Variants in PRDX6 observed in about 807,000 individuals in gnomAD.
The protein encoded by PRDX6 is peroxiredoxin 6, also known as peroxiredoxin-6.
Under a neutral mutation model 20.0 loss-of-function variants are expected in PRDX6, and 13 were observed. That is an observed-to-expected ratio of 0.65 (90% CI 0.42 to 1.03). PRDX6 has a LOEUF of 1.03. Ranked by LOEUF, PRDX6 falls within the 50% of genes least tolerant of loss-of-function variation. PRDX6 has a pLI of 0.00. For synonymous variants in PRDX6, 85 were observed against 100.8 expected, an observed-to-expected ratio of 0.84 and a Z score of 0.94; for missense variants, 203 against 276.9, an observed-to-expected ratio of 0.73 and a Z score of 1.89.
chr1:173,481,279 G>C (rs1658796421), intron 1 of PRDX6, 47 bp from the exon 2 acceptor site: 1 of 1,541,088 alleles, frequency 6.5e-7, no homozygotes, highest in African/African-American at 1.4e-5. Flanking sequence ...CTGTGATGTT[G>C]GTGATAACTC....
intron 2 of PRDX6, among the ~76,000 whole-genome samples, chr1:173,483,608 T>C (rs1242586269): frequency 6.6e-6 from 1 of 152,174 alleles, no homozygotes; most frequent in Non-Finnish European, 1.5e-5. Flanking sequence ...TAATGCCACA[T>C]TTGTCACATC....
At chr1:173,479,106 A>G (rs1022827121) in intron 1 of PRDX6, among the ~76,000 whole-genome samples, 5 of 152,110 alleles carry the variant, frequency 3.3e-5, no homozygotes. Flanking sequence ...CATAAAACGT[A>G]TTTACTGTGC....
At chr1:173,481,548 T>C in intron 2 of PRDX6, 66 bp downstream of exon 2, 1 of 1,530,006 alleles carries the variant, frequency 6.5e-7, no homozygotes, top group African/African-American at 1.4e-5. Flanking sequence ...TATGGAGTAC[T>C]TGGTTTTGAG....
Position 173,477,374 on chromosome 1 carries a change from C to CG in PRDX6, c.-22dup. The CG allele has an allele frequency of 6.3e-7, 1 of 1,586,394 alleles. No homozygotes were observed. ...ACCAACCGGTTGCTTGCTGTCCCAGCGGCGCCCCCTCATCACCGTCGCCAT... is the reference window on the plus strand; with the variant it reads ...ACCAACCGGTTGCTTGCTGTCCCAGCGGGCGCCCCCTCATCACCGTCGCCAT... On this transcript the variant is annotated 5_prime_UTR_variant, in exon 1 of 5. Coordinates refer to ENST00000340385, the MANE Select transcript of PRDX6 (RefSeq NM_004905.3).
chr1:173,478,545 C>G (rs1658747080), intron 1 of PRDX6, among the ~76,000 whole-genome samples: 1 of 151,750 alleles, frequency 6.6e-6, no homozygotes, highest in African/African-American at 2.4e-5. Flanking sequence ...CCTGAATCAG[C>G]AAACTGGAAG....
intron 1 of PRDX6, among the ~76,000 whole-genome samples, chr1:173,478,774 A>G (rs954829348): frequency 1.3e-5 from 2 of 152,208 alleles, no homozygotes; most frequent in Non-Finnish European, 2.9e-5. Context: ...CTTACACATC[A>G]TATGCCTATC....
chr1:173,478,366 T>A (rs1658741596), intron 1 of PRDX6, among the ~76,000 whole-genome samples: 2 of 152,196 alleles, frequency 1.3e-5, no homozygotes, highest in Non-Finnish European at 1.5e-5. Context: ...TGAGACTCTC[T>A]TGTTTTCCAG....
chr1:173,485,319 G>T, intron 2 of PRDX6, 42 bp from the exon 3 acceptor site: 1 of 1,501,352 alleles, frequency 6.7e-7, no homozygotes. Context: ...CAGAGCATGT[G>T]TTGGGTTTAG....
chr1:173,480,969 TA>T (rs1658791831), intron 1 of PRDX6, among the ~76,000 whole-genome samples: 1 of 152,176 alleles, frequency 6.6e-6, no homozygotes, highest in African/African-American at 2.4e-5. Context: ...TAAGAAGAAA[TA>T]ATTAAGTGTT....
intron 4 of PRDX6, 71 bp downstream of exon 4, chr1:173,486,472 G>T: frequency 6.7e-7 from 1 of 1,493,882 alleles, no homozygotes; most frequent in African/African-American, 1.4e-5. Flanking sequence ...CAACTTCAAG[G>T]TCTGTGTTAC....
At chr1:173,483,371 A>G (rs1658835059) in intron 2 of PRDX6, among the ~76,000 whole-genome samples, 1 of 152,184 alleles carries the variant, frequency 6.6e-6, no homozygotes, top group South Asian at 2.1e-4. Flanking sequence ...AGCTCTGGTG[A>G]CTTCATAAGC....
intron 1 of PRDX6, among the ~76,000 whole-genome samples, chr1:173,479,951 G>C (rs1383491123): frequency 6.6e-6 from 1 of 152,162 alleles, no homozygotes; most frequent in East Asian, 1.9e-4. Context: ...CGATAGAGGA[G>C]GAAACGCCCT....
At chr1:173,477,626 T>G (rs1658721227) in intron 1 of PRDX6, 134 bp downstream of exon 1, 1 of 730,762 alleles carries the variant, frequency 1.4e-6, no homozygotes, top group Non-Finnish European at 2.2e-6. Flanking sequence ...CCGCACTGGT[T>G]CCGGCGCGCG....
In PRDX6 at chr1:173,486,385, C is replaced by T. The variant is rs201962701; in HGVS notation, c.530C>T (p.Thr177Ile). 1 of 1,607,978 alleles carries T rather than the reference C, an allele frequency of 6.2e-7. No individual in the cohort carries two copies. Among genetic ancestry groups the T allele is most frequent in the Non-Finnish European group, 8.5e-7 (1 of 1,177,524 alleles). ...LQLTAEKRVATPVDWKDGDSV... is the reference protein window; with the variant it reads ...LQLTAEKRVAIPVDWKDGDSV... The stretch of plus-strand genomic sequence containing the variant: ...CTGACAGCAGAAAAAAGGGTTGCCA[C>T]CCCAGTTGATTGGAAGGTAAAGATG... Residue 177 changes from threonine to isoleucine, a missense_variant, in exon 4 of 5, where the codon ACC (threonine) becomes ATC (isoleucine). Transcript: ENST00000340385.
chr1:173,477,896 A>C (rs374303494), intron 1 of PRDX6, among the ~76,000 whole-genome samples: 87 of 152,300 alleles, frequency 5.7e-4, no homozygotes, highest in African/African-American at 1.8e-3. Flanking sequence ...CCGAGGGCGC[A>C]GGGGCGGGGC....
chr1:173,483,679 T>C (rs576073045), intron 2 of PRDX6, among the ~76,000 whole-genome samples: 1 of 152,376 alleles, frequency 6.6e-6, no homozygotes, highest in African/African-American at 2.4e-5. Context: ...TGTTTTACTT[T>C]CAAGCCTACA....
At chr1:173,478,936 C>T (rs1251013931) in intron 1 of PRDX6, among the ~76,000 whole-genome samples, 1 of 152,138 alleles carries the variant, frequency 6.6e-6, no homozygotes, top group East Asian at 1.9e-4. Flanking sequence ...CAGCTTATGG[C>T]CATTCTTATA....
chr1:173,481,953 C>T (rs904506472), intron 2 of PRDX6: 7 of 160,346 alleles, frequency 4.4e-5, no homozygotes, highest in Non-Finnish European at 9.7e-5. Flanking sequence ...CTTCCAGGTT[C>T]ATATAACCAC....
chr1:173,482,647 CTA>C (rs1337011599), intron 2 of PRDX6, among the ~76,000 whole-genome samples: 3 of 152,196 alleles, frequency 2.0e-5, no homozygotes, highest in Non-Finnish European at 1.5e-5. Flanking sequence ...ATACTAGAAA[CTA>C]TGTCAAACGT....
Sources: gnomAD v4.1 joint callset for allele counts (sites outside exome capture counted in the v4.1 genomes callset) on GRCh38, gnomAD v4.1.1 for gene constraint, MANE v1.5 for transcripts, NCBI Gene and HGNC (gene_info 2026-07-23, HGNC 2026-07-21) for gene names.